RBMS1: variants seen among roughly 807,000 people sequenced by gnomAD.
RBMS1 encodes RNA binding motif single stranded interacting protein 1, also known as RNA-binding motif, single-stranded-interacting protein 1.
RBMS1 carries 17 observed loss-of-function variants against 62.3 expected under a neutral mutation model. The observed-to-expected ratio is 0.27, with a 90% CI of 0.19 to 0.41. The LOEUF (loss-of-function observed/expected upper bound fraction) is 0.41, where lower values mean the gene tolerates loss of function less well. RBMS1 is among the 10% of genes least tolerant of loss of function. The pLI is 1.00. For synonymous variants in RBMS1, 172 were observed against 170.0 expected (o/e 1.01, Z -0.09); for missense variants, 334 against 504.5 (o/e 0.66, Z 3.24).
At position 160,275,806 on chromosome 2, in the gene RBMS1, A is replaced by G. The variant is rs916357375; in HGVS notation, c.1144-92T>C. On this transcript the variant is annotated intron_variant, in intron 12 of 13. Transcript: ENST00000348849. ...CTGACTGAATCCAACAGTGCCTTAAAAACAGTTACTCTTTAAAGTAAATTT... is the reference window on the plus strand; with the variant it reads ...CTGACTGAATCCAACAGTGCCTTAAGAACAGTTACTCTTTAAAGTAAATTT... 3 of 1,553,710 alleles carry G rather than the reference A, an allele frequency of 1.9e-6. No homozygotes were observed. In the African/African-American group the frequency reaches 4.1e-5, roughly 21 times the overall value.
chr2:160,465,686 C>T (rs1413816276), intron 1 of RBMS1, among the ~76,000 whole-genome samples: 1 of 152,180 alleles, frequency 6.6e-6, no homozygotes, highest in Non-Finnish European at 1.5e-5. Context: ...CTAGGGCCTT[C>T]TCCTGAGTGT....
chr2:160,277,599 T>G (rs1355343692), intron 11 of RBMS1: 5 of 388,044 alleles, frequency 1.3e-5, no homozygotes, highest in Admixed American at 4.2e-5. Context: ...AATTCCACAT[T>G]TCTTTGGATT....
intron 1 of RBMS1, among the ~76,000 whole-genome samples, chr2:160,412,876 A>C (rs1243887954): frequency 1.3e-5 from 2 of 152,236 alleles, no homozygotes; most frequent in Non-Finnish European, 1.5e-5. Flanking sequence ...TAATTGATGA[A>C]CTTCCTAAAA....
At chr2:160,476,878 G>T (rs184162486) in intron 1 of RBMS1, among the ~76,000 whole-genome samples, 1 of 152,228 alleles carries the variant, frequency 6.6e-6, no homozygotes, top group East Asian at 1.9e-4. Context: ...TGTCTTTAAG[G>T]ATCTTATGTT....
chr2:160,482,079 GA>G (rs1413339018), intron 1 of RBMS1, among the ~76,000 whole-genome samples: 2 of 151,890 alleles, frequency 1.3e-5, no homozygotes, highest in African/African-American at 4.8e-5. Flanking sequence ...TAATATAATG[GA>G]TACATAAATT....
At chr2:160,394,396 G>C (rs1188074639) in intron 1 of RBMS1, among the ~76,000 whole-genome samples, 1 of 152,146 alleles carries the variant, frequency 6.6e-6, no homozygotes, top group Non-Finnish European at 1.5e-5. Flanking sequence ...CTGAAAGTAT[G>C]CAAATTTTTC....
At chr2:160,473,209 C>T (rs1483753239) in intron 1 of RBMS1, among the ~76,000 whole-genome samples, 2 of 152,128 alleles carry the variant, frequency 1.3e-5, no homozygotes, top group Admixed American at 6.5e-5. Flanking sequence ...CCTAATGTTG[C>T]GCTCTAAGGT....
intron 2 of RBMS1, 141 bp downstream of exon 2, chr2:160,367,075 T>G: frequency 1.3e-6 from 1 of 773,062 alleles, no homozygotes; most frequent in African/African-American, 1.7e-5. Flanking sequence ...AAGTTAAAAC[T>G]TGAAACCCAT....
intron 2 of RBMS1, among the ~76,000 whole-genome samples, chr2:160,335,540 A>C (rs1691519227): frequency 6.6e-6 from 1 of 152,222 alleles, no homozygotes; most frequent in East Asian, 1.9e-4. Flanking sequence ...CGCTAAATGA[A>C]AAGAAGGAAA....
intron 1 of RBMS1, among the ~76,000 whole-genome samples, chr2:160,426,949 T>C (rs971782610): frequency 6.6e-6 from 1 of 152,232 alleles, no homozygotes; most frequent in South Asian, 2.1e-4. Flanking sequence ...AGCTCCTTTT[T>C]TGTTACCAAA....
intron 2 of RBMS1, among the ~76,000 whole-genome samples, chr2:160,359,137 G>C (rs1484185286): frequency 2.0e-5 from 3 of 152,098 alleles, no homozygotes; most frequent in African/African-American, 7.2e-5. Flanking sequence ...TCTTCAATTT[G>C]CTTGGAAGAT....
intron 1 of RBMS1, among the ~76,000 whole-genome samples, chr2:160,482,278 A>G (rs1251817159): frequency 6.6e-6 from 1 of 152,204 alleles, no homozygotes; most frequent in Non-Finnish European, 1.5e-5. Flanking sequence ...ACAAAGATAG[A>G]AGTCACACTA....
intron 2 of RBMS1, among the ~76,000 whole-genome samples, chr2:160,338,333 G>A (rs1251569889): frequency 6.6e-6 from 1 of 152,044 alleles, no homozygotes; most frequent in Non-Finnish European, 1.5e-5. Flanking sequence ...CATGATTCTG[G>A]GAGTGTCCAC....
chr2:160,457,716 C>T (rs768055036), intron 1 of RBMS1, among the ~76,000 whole-genome samples: 4 of 152,028 alleles, frequency 2.6e-5, no homozygotes, highest in Non-Finnish European at 4.4e-5. Context: ...CCAGAGATTG[C>T]TAAATAGGCA....
intron 1 of RBMS1, among the ~76,000 whole-genome samples, chr2:160,421,346 A>G (rs12467636): frequency 0.71 from 107,218 of 150,180 alleles, 38,547 homozygotes; most frequent in East Asian, 0.87. Flanking sequence ...CCCTTCCTGT[A>G]TCCAAGTGTT....
intron 1 of RBMS1, among the ~76,000 whole-genome samples, chr2:160,451,901 C>A (rs898674378): frequency 2.0e-5 from 3 of 152,134 alleles, no homozygotes; most frequent in Non-Finnish European, 2.9e-5. Flanking sequence ...TGAGGCACCG[C>A]GCCTGGCCAA....
At chr2:160,473,923 T>C (rs1685025947) in intron 1 of RBMS1, among the ~76,000 whole-genome samples, 1 of 152,226 alleles carries the variant, frequency 6.6e-6, no homozygotes, top group Non-Finnish European at 1.5e-5. Context: ...CATTTGGTTT[T>C]AGTAGTGTTT....
At chr2:160,467,104 G>A (rs572221006) in intron 1 of RBMS1, among the ~76,000 whole-genome samples, 2 of 152,110 alleles carry the variant, frequency 1.3e-5, no homozygotes, top group Admixed American at 6.5e-5. Flanking sequence ...GGAGAGAAAT[G>A]CATAGAATGT....
rs1687635885 is a variant in RBMS1, at chr2:160,272,587, G to A, written c.*2185C>T. The A allele has an allele frequency of 1.3e-5, 2 of 151,818 alleles. No homozygotes were observed. The highest frequency in any genetic ancestry group is 1.3e-4 in the Admixed American group (2 of 15,252). 9.4% of individuals were successfully genotyped at this position (151,818 alleles called of 1,614,324 possible). A position where few individuals can be genotyped will look rare whatever the true frequency, so the allele number is the denominator to read the frequency against. On this transcript the variant is annotated 3_prime_UTR_variant, in exon 14 of 14. Transcript: ENST00000348849. The stretch of plus-strand genomic sequence containing the variant: ...CAGATTTCCCCTCCCCTCTAACCGA[G>A]CTATCAAATTTCTGTCTTAACTAAT...
Sources: gnomAD v4.1 joint callset for allele counts (sites outside exome capture counted in the v4.1 genomes callset) on GRCh38, gnomAD v4.1.1 for gene constraint, MANE v1.5 for transcripts, NCBI Gene and HGNC (gene_info 2026-07-23, HGNC 2026-07-21) for gene names.